Variants in PCDHA12 observed in about 807,000 individuals in gnomAD.
PCDHA12 encodes the protein protocadherin alpha-12.
PCDHA12 carries 44 observed loss-of-function variants against 60.0 expected under a neutral mutation model. The observed-to-expected ratio is 0.73, with a 90% CI of 0.58 to 0.94. The LOEUF (loss-of-function observed/expected upper bound fraction) is 0.94. Ranked by LOEUF, PCDHA12 falls within the 40% of genes least tolerant of loss-of-function variation. The pLI, the probability that PCDHA12 is intolerant of heterozygous loss-of-function variation, is 0.00. For synonymous variants in PCDHA12, 569 were observed against 553.0 expected (o/e 1.03, Z -0.40); for missense variants, 1,276 against 1,239.7 (o/e 1.03, Z -0.44).
intron 1 of PCDHA12, among the ~76,000 whole-genome samples, chr5:140,904,681 A>G (rs1562946233): frequency 6.6e-6 from 1 of 152,192 alleles, no homozygotes; most frequent in South Asian, 2.1e-4. Context: ...CATTCCCACC[A>G]GCAGTGTAAA....
chr5:140,975,396 A>G (rs1366048936), intron 1 of PCDHA12, among the ~76,000 whole-genome samples: 2 of 152,248 alleles, frequency 1.3e-5, no homozygotes, highest in African/African-American at 4.8e-5. Flanking sequence ...GATCCATCAC[A>G]ATCACAGTCT....
intron 3 of PCDHA12, among the ~76,000 whole-genome samples, chr5:140,999,980 C>A (rs1386394350): frequency 6.6e-6 from 1 of 152,076 alleles, no homozygotes; most frequent in Non-Finnish European, 1.5e-5. Context: ...GCTCTAGCGG[C>A]CTCTGGGTAG....
intron 3 of PCDHA12, among the ~76,000 whole-genome samples, chr5:140,994,387 C>T (rs192635308): frequency 1.3e-5 from 2 of 152,174 alleles, no homozygotes; most frequent in East Asian, 1.9e-4. Context: ...GGGACTAAGT[C>T]AGAGATTATT....
At chr5:140,991,614 A>G (rs1554252334) in intron 3 of PCDHA12, among the ~76,000 whole-genome samples, 2 of 152,194 alleles carry the variant, frequency 1.3e-5, no homozygotes, top group Non-Finnish European at 2.9e-5. Flanking sequence ...AGCACCTTTA[A>G]TGCCATATTT....
At position 140,877,364 on chromosome 5, in the gene PCDHA12, T is replaced by A; in HGVS notation, c.1892T>A (p.Ile631Asn). Residue 631 changes from isoleucine to asparagine, a missense_variant, in exon 1 of 4, where the codon ATC (isoleucine) becomes AAC (asparagine). By Grantham distance (149) the Ile-to-Asn change is moderately radical (BLOSUM62 -3). Transcript: ENST00000398631. ...PFHVGLYTGE[I>N]STTRILDEAD... ...CACGTGGGGCTGTACACTGGCGAGA[T>A]CAGCACGACACGCATCCTGGATGAG... 1 of 1,613,948 alleles carries A rather than the reference T, an allele frequency of 6.2e-7. No homozygotes were observed. Among genetic ancestry groups the A allele is most frequent in the Non-Finnish European group, 8.5e-7 (1 of 1,179,874 alleles).
At chr5:141,003,087 G>T (rs894210434) in intron 3 of PCDHA12, among the ~76,000 whole-genome samples, 2 of 152,198 alleles carry the variant, frequency 1.3e-5, no homozygotes, top group African/African-American at 4.8e-5. Context: ...AGTTTAACAG[G>T]CCTGGCATTT....
At chr5:140,919,306 A>T (rs1407810868) in intron 1 of PCDHA12, among the ~76,000 whole-genome samples, 1 of 152,150 alleles carries the variant, frequency 6.6e-6, no homozygotes, top group Non-Finnish European at 1.5e-5. Context: ...TGTACAATAT[A>T]TGTTTTCCCA....
intron 1 of PCDHA12, among the ~76,000 whole-genome samples, chr5:140,973,915 A>T (rs1401328396): frequency 2.0e-5 from 3 of 152,242 alleles, no homozygotes; most frequent in African/African-American, 7.2e-5. Context: ...CATTCCTGTC[A>T]CCAAACCCAG....
intron 1 of PCDHA12, among the ~76,000 whole-genome samples, chr5:140,899,610 A>G (rs2067438350): frequency 6.6e-6 from 1 of 152,164 alleles, no homozygotes; most frequent in Admixed American, 6.5e-5. Flanking sequence ...TTTTGCATCA[A>G]TGTTCATCAA....
Position 141,005,701 on chromosome 5 carries a change from C to CAAA in PCDHA12, c.2516-3898_2516-3896dup, listed in dbSNP as rs59860837. ...TGGGCGACAGAGCGAAACTCCGTCTCAAAAAAAAAAAAAAAAAAAAAAAAA... is the reference window on the plus strand; with the variant it reads ...TGGGCGACAGAGCGAAACTCCGTCTCAAAAAAAAAAAAAAAAAAAAAAAAAAAA... On this transcript the variant is annotated intron_variant, in intron 3 of 3. Transcript: ENST00000398631. Among the ~76,000 whole-genome samples the CAAA allele has an allele frequency of 9.1e-3, 71 of 7,774 alleles. 6 individuals are homozygous for CAAA. Among genetic ancestry groups the CAAA allele is most frequent in the Non-Finnish European group, 0.012 (43 of 3,684 alleles). 5.1% of individuals were successfully genotyped at this position (7,774 alleles called of 152,430 possible).
chr5:140,966,698 G>C, intron 1 of PCDHA12: 2 of 1,363,568 alleles, frequency 1.5e-6, no homozygotes, highest in Non-Finnish European at 1.9e-6. Flanking sequence ...CGGGGCCCGG[G>C]CGTGGGGCAC....
At position 140,900,569 on chromosome 5, in the gene PCDHA12, A is replaced by AC. The variant is rs201845192; in HGVS notation, c.2367+22732dup. 8.0e-3 allele frequency among the ~76,000 whole-genome samples: 1,218 copies of AC among 152,298 alleles called. 6 individuals carry two copies. Among genetic ancestry groups the AC allele is most frequent in the African/African-American group, 0.019 (786 of 41,566 alleles). On this transcript the variant is annotated intron_variant, in intron 1 of 3. Coordinates refer to ENST00000398631, the MANE Select transcript of PCDHA12 (RefSeq NM_018903.4). The stretch of plus-strand genomic sequence containing the variant: ...TGGGATTACAGGCGTGAGCCACGGC[A>AC]CCGGCCCATTTTCTTTACCCGTTCA...
chr5:140,913,398 AT>A (rs1172885484), intron 1 of PCDHA12, among the ~76,000 whole-genome samples: 5 of 152,132 alleles, frequency 3.3e-5, no homozygotes, highest in Non-Finnish European at 7.4e-5. Flanking sequence ...GCCACTAATG[AT>A]CCTTTGAATT....
At chr5:140,923,660 G>T (rs1442227445) in intron 1 of PCDHA12, among the ~76,000 whole-genome samples, 1 of 152,148 alleles carries the variant, frequency 6.6e-6, no homozygotes, top group South Asian at 2.1e-4. Context: ...TTATCTTTGG[G>T]ATATCGTTCT....
chr5:140,884,515 G>GCCTCTGATAAGCACAA, intron 1 of PCDHA12: 1 of 1,614,174 alleles, frequency 6.2e-7, no homozygotes. Flanking sequence ...GGAGTTGGTC[G>GCCTCTGATAAGCACAA]TACTCGCAGC....
At chr5:140,970,758 A>T (rs1217450283) in intron 1 of PCDHA12, among the ~76,000 whole-genome samples, 2 of 152,232 alleles carry the variant, frequency 1.3e-5, no homozygotes, top group East Asian at 3.8e-4. Flanking sequence ...ATTTTCATTG[A>T]CATATTGCTG....
intron 3 of PCDHA12, among the ~76,000 whole-genome samples, chr5:140,984,589 T>C (rs2097109638): frequency 6.6e-6 from 1 of 152,186 alleles, no homozygotes; most frequent in Non-Finnish European, 1.5e-5. Flanking sequence ...ATCATACTTT[T>C]CAATACATAC....
intron 1 of PCDHA12, among the ~76,000 whole-genome samples, chr5:140,902,203 CT>C (rs148688132): frequency 0.19 from 23,745 of 124,094 alleles, 1,540 homozygotes; most frequent in African/African-American, 0.29. Flanking sequence ...CTCTCTCTTT[CT>C]TTTTTTTTTT....
intron 1 of PCDHA12, among the ~76,000 whole-genome samples, chr5:140,951,992 A>G (rs1469467629): frequency 6.6e-6 from 1 of 152,212 alleles, no homozygotes; most frequent in Non-Finnish European, 1.5e-5. Flanking sequence ...AAAACCAGCC[A>G]AAAGAAAGAA....
Sources: gnomAD v4.1 joint callset for allele counts (sites outside exome capture counted in the v4.1 genomes callset) on GRCh38, gnomAD v4.1.1 for gene constraint, MANE v1.5 for transcripts, NCBI Gene and HGNC (gene_info 2026-07-23, HGNC 2026-07-21) for gene names.